UBE2L3: variants seen among roughly 807,000 people sequenced by gnomAD.
UBE2L3 encodes ubiquitin conjugating enzyme E2 L3.
Under a neutral mutation model 17.8 loss-of-function variants are expected in UBE2L3, and 1 was observed. The observed-to-expected ratio is 0.06, with a 90% CI of 0.02 to 0.27. UBE2L3 has a LOEUF of 0.27. Among genes scored for constraint, UBE2L3 ranks in the 10% least tolerant of loss-of-function variants. UBE2L3 has a pLI of 1.00. For synonymous variants in UBE2L3, 44 were observed against 68.5 expected (o/e 0.64, Z 1.76); for missense variants, 40 against 192.6 (o/e 0.21, Z 4.69).
chr22:21,570,037 G>A (rs960966516), intron 1 of UBE2L3, among the ~76,000 whole-genome samples: 1 of 152,182 alleles, frequency 6.6e-6, no homozygotes, highest in Non-Finnish European at 1.5e-5. Context: ...TACTCTGTGA[G>A]CCCGTGCTCC....
intron 2 of UBE2L3, among the ~76,000 whole-genome samples, chr22:21,606,919 A>G (rs914858854): frequency 2.0e-5 from 3 of 152,166 alleles, no homozygotes; most frequent in African/African-American, 4.8e-5. Context: ...CTGGGGCCAC[A>G]CTGCCTGCCC....
intron 1 of UBE2L3, among the ~76,000 whole-genome samples, chr22:21,589,335 G>GAC (rs1412641198): frequency 6.6e-6 from 1 of 151,392 alleles, no homozygotes; most frequent in Non-Finnish European, 1.5e-5. Flanking sequence ...TTTTAATAGA[G>GAC]ACGGGGTTTC....
intron 2 of UBE2L3, among the ~76,000 whole-genome samples, chr22:21,607,993 A>G (rs1476340165): frequency 6.6e-6 from 1 of 152,226 alleles, no homozygotes; most frequent in Admixed American, 6.5e-5. Context: ...TTGTATCTTC[A>G]GAAAAGATCA....
At chr22:21,566,218 C>A (rs1490868306), upstream of UBE2L3, among the ~76,000 whole-genome samples, 3 of 151,938 alleles carry the variant, frequency 2.0e-5, no homozygotes, top group Non-Finnish European at 4.4e-5. Flanking sequence ...AGTGATCCAC[C>A]CCCCTCAGCC....
chr22:21,558,612 A>T (rs1926321627), intron 1 of UBE2L3, among the ~76,000 whole-genome samples: 5 of 151,682 alleles, frequency 3.3e-5, no homozygotes, highest in Admixed American at 2.6e-4. Flanking sequence ...GCCTGGCGAC[A>T]AAGTGAGACT....
At chr22:21,598,195 A>ATATGTGTGTGTGTGTGTGTGTGTGTG (rs1555885642) in intron 2 of UBE2L3, among the ~76,000 whole-genome samples, 1 of 148,394 alleles carries the variant, frequency 6.7e-6, no homozygotes, top group African/African-American at 2.5e-5. Context: ...GGTTTCATTA[A>ATATGTGTGTGTGTGTGTGTGTGTGTG]TGTGTGTGTG....
chr22:21,620,591 A>G lies in UBE2L3; in HGVS notation c.311-924A>G, dbSNP rs1237852605. On this transcript the variant is annotated intron_variant, in intron 3 of 3. Coordinates refer to ENST00000342192, the MANE Select transcript of UBE2L3 (RefSeq NM_003347.4). ...TAGCAGCTGCTTCTGATTCCCCACT[A>G]TCCTTCCACCCTGGGGCACGTCTGG... Among the ~76,000 whole-genome samples, 4 of 152,080 alleles carry G rather than the reference A, an allele frequency of 2.6e-5. No individual in the cohort carries two copies. In the East Asian group the frequency reaches 7.7e-4, roughly 29 times the overall value.
At chr22:21,598,210 T>TGTGTGTGTGTGTGTGTGTGTG (rs1555885647) in intron 2 of UBE2L3, among the ~76,000 whole-genome samples, 2 of 151,886 alleles carry the variant, frequency 1.3e-5, no homozygotes, top group Non-Finnish European at 2.9e-5. Flanking sequence ...TGTGTGTGTG[T>TGTGTGTGTGTGTGTGTGTGTG]TTTTCATTTA....
intron 2 of UBE2L3, among the ~76,000 whole-genome samples, chr22:21,607,630 G>T (rs1929248533): frequency 6.6e-6 from 1 of 152,062 alleles, no homozygotes. Flanking sequence ...GGAAAAGGGA[G>T]TACAATGGGA....
chr22:21,568,958 C>CA (rs1294051154), intron 1 of UBE2L3, among the ~76,000 whole-genome samples: 1 of 152,130 alleles, frequency 6.6e-6, no homozygotes, highest in Non-Finnish European at 1.5e-5. Flanking sequence ...AAAGAACAGT[C>CA]AGAGGACTTC....
At chr22:21,595,959 G>C (rs535020867) in intron 2 of UBE2L3, among the ~76,000 whole-genome samples, 2 of 151,856 alleles carry the variant, frequency 1.3e-5, no homozygotes, top group East Asian at 3.9e-4. Flanking sequence ...TCCGCCTCCC[G>C]GGTTCAAGCG....
At chr22:21,602,116 A>G (rs966410130) in intron 2 of UBE2L3, among the ~76,000 whole-genome samples, 1 of 152,146 alleles carries the variant, frequency 6.6e-6, no homozygotes, top group Non-Finnish European at 1.5e-5. Flanking sequence ...TGGCAGGGAA[A>G]GCTTCAGCTT....
chr22:21,568,896 T>C (rs1926799046), intron 1 of UBE2L3, among the ~76,000 whole-genome samples: 1 of 152,188 alleles, frequency 6.6e-6, no homozygotes, highest in South Asian at 2.1e-4. Context: ...TTTTGTTCCC[T>C]AAGGGCTAGA....
chr22:21,608,741 ATTTTTTT>A (rs779049247), intron 2 of UBE2L3, among the ~76,000 whole-genome samples: 12 of 109,844 alleles, frequency 1.1e-4, no homozygotes, highest in East Asian at 2.8e-4. Context: ...AATATATTTA[ATTTTTTT>A]TTTTTTTTTT....
chr22:21,552,789 T>C (rs1303582866), intron 1 of UBE2L3, among the ~76,000 whole-genome samples: 4 of 80,250 alleles, frequency 5.0e-5, no homozygotes, highest in Admixed American at 1.5e-4. Flanking sequence ...AGTGGCGCAA[T>C]CTCTGCTCAC....
intron 1 of UBE2L3, among the ~76,000 whole-genome samples, chr22:21,555,735 C>T (rs374470052): frequency 1.9e-4 from 29 of 152,336 alleles, no homozygotes; most frequent in African/African-American, 6.5e-4. Flanking sequence ...AGTTCAAGAC[C>T]AGCCTGGCCA....
chr22:21,600,922 C>T (rs953266294), intron 2 of UBE2L3, among the ~76,000 whole-genome samples: 1 of 152,100 alleles, frequency 6.6e-6, no homozygotes, highest in African/African-American at 2.4e-5. Context: ...GTAATCCCAG[C>T]ACTTTGTGGG....
rs1380526559 is a variant in UBE2L3 at position 21,612,640 on chromosome 22, TTTC to T, written c.310+1600_310+1602del. 2.9e-3 allele frequency among the ~76,000 whole-genome samples: 378 copies of T among 131,762 alleles called. 11 individuals carry two copies. The highest frequency in any genetic ancestry group is 0.012 in the African/African-American group (361 of 30,694). The allele number at this position is 131,762 out of a possible 152,430, so 86.4% of individuals were successfully genotyped here. On this transcript the variant is annotated intron_variant, in intron 3 of 3. Transcript: ENST00000342192. ...GCACCCAGCCGATTTTTTCTTTTCT[TTTC>T]TTTTTTTTTTTTTTTTTTTTTTTTT...
intron 3 of UBE2L3, among the ~76,000 whole-genome samples, chr22:21,619,981 G>T (rs1015971067): frequency 4.6e-5 from 7 of 152,176 alleles, no homozygotes; most frequent in Admixed American, 1.3e-4. Flanking sequence ...AATGCTGAAT[G>T]AACAATATGA....
Sources: allele counts gnomAD v4.1 joint callset (sites outside exome capture counted in the v4.1 genomes callset), GRCh38; gene constraint gnomAD v4.1.1; transcripts MANE v1.5; gene names NCBI Gene and HGNC (gene_info 2026-07-23, HGNC 2026-07-21).